The following IAPP variants were observed in gnomAD, a reference collection of about 807,000 sequenced individuals.
IAPP encodes islet amyloid polypeptide.
IAPP carries 4 observed loss-of-function variants against 2.9 expected under a neutral mutation model. That is an observed-to-expected ratio of 1.39 (90% CI 0.69 to 3.19). IAPP has a LOEUF of 3.19. IAPP is among the 30% of genes most tolerant of loss of function. The pLI, the probability that IAPP is intolerant of heterozygous loss-of-function variation, is 0.01. For missense variants in IAPP, 114 were observed against 105.3 expected, an observed-to-expected ratio of 1.08 and a Z score of -0.36; for synonymous variants, 40 against 42.1, an observed-to-expected ratio of 0.95 and a Z score of 0.19.
At chr12:21,370,256 G>A (rs905265116), upstream of IAPP, among the ~76,000 whole-genome samples, 3 of 151,976 alleles carry the variant, frequency 2.0e-5, no homozygotes, top group African/African-American at 7.2e-5. Context: ...CAAAGATGAA[G>A]TGGGATATCG....
chr12:21,368,582 A>G (rs567113549), upstream of IAPP, among the ~76,000 whole-genome samples: 267 of 152,262 alleles, frequency 1.8e-3, 1 homozygote, highest in Admixed American at 5.5e-3. Flanking sequence ...GCTATGTTCT[A>G]TAAAATGTCC....
At chr12:21,377,321 A>C (rs1238750560) in intron 2 of IAPP, among the ~76,000 whole-genome samples, 1 of 152,198 alleles carries the variant, frequency 6.6e-6, no homozygotes, top group Non-Finnish European at 1.5e-5. Context: ...GATAGATTTG[A>C]TTCTTTTGGA....
intron 1 of IAPP, among the ~76,000 whole-genome samples, chr12:21,364,762 C>T (rs1032839476): frequency 6.6e-6 from 1 of 152,066 alleles, no homozygotes; most frequent in Admixed American, 6.6e-5. Flanking sequence ...AACAGACAAA[C>T]GGAGAGACAA....
chr12:21,369,710 T>C (rs111387822), upstream of IAPP, among the ~76,000 whole-genome samples: 158 of 152,276 alleles, frequency 1.0e-3, 1 homozygote, highest in African/African-American at 3.6e-3. Flanking sequence ...GGATCCAAGG[T>C]GGGGCCTGAG....
At chr12:21,372,799 C>T (rs1429515824), upstream of IAPP, 1 of 159,066 alleles carries the variant, frequency 6.3e-6, no homozygotes, top group Non-Finnish European at 1.4e-5. Flanking sequence ...TACTTTCTAT[C>T]TATAGGGATG....
chr12:21,360,390 A>G (rs1230596114), intron 1 of IAPP, among the ~76,000 whole-genome samples: 1 of 152,250 alleles, frequency 6.6e-6, no homozygotes, highest in African/African-American at 2.4e-5. Context: ...ATCATCAGAT[A>G]TTTAAAGAAA....
At chr12:21,368,634 T>A (rs1052078681), upstream of IAPP, among the ~76,000 whole-genome samples, 3 of 152,124 alleles carry the variant, frequency 2.0e-5, no homozygotes, top group African/African-American at 7.2e-5. Context: ...TAAAATTATG[T>A]GATCTCTAGG....
At chr12:21,373,557 A>G in intron 2 of IAPP, 126 bp downstream of exon 2, 1 of 731,134 alleles carries the variant, frequency 1.4e-6, no homozygotes, top group Non-Finnish European at 2.5e-6. Context: ...CAGTACCTTC[A>G]GCTATTCCAT....
intron 1 of IAPP, chr12:21,355,053 C>G (rs1591874056): frequency 6.6e-6 from 1 of 152,126 alleles, no homozygotes; most frequent in Non-Finnish European, 1.5e-5. Context: ...CAAAAATACA[C>G]TAAATCACTA....
chr12:21,378,777 T>A lies in IAPP; in HGVS notation c.*351T>A. 5.0e-6 allele frequency: 1 copy of A among 200,488 alleles called. No individual in the cohort carries two copies. Among genetic ancestry groups the A allele is most frequent in the South Asian group, 8.9e-5 (1 of 11,242 alleles). 12.4% of individuals were successfully genotyped at this position (200,488 alleles called of 1,614,324 possible). On this transcript the variant is annotated 3_prime_UTR_variant, in exon 3 of 3. Transcript: ENST00000240652. ...GCTAATAATGAAGTTATTCTTGACA[T>A]GAGAAAATCAGTAATTGGACCAGGC...
intron 1 of IAPP, among the ~76,000 whole-genome samples, chr12:21,356,329 A>G (rs1207379704): frequency 6.6e-6 from 1 of 152,044 alleles, no homozygotes. Flanking sequence ...TGATATTAAG[A>G]AATATGCAGG....
intron 2 of IAPP, chr12:21,376,347 T>C: frequency 2.8e-6 from 1 of 362,690 alleles, no homozygotes; most frequent in Admixed American, 3.2e-5. Flanking sequence ...TTCCAATTTT[T>C]ACTGTTTTTC....
At position 21,379,183 on chromosome 12, in the gene IAPP, G is replaced by C. The variant is rs1478662198; in HGVS notation, c.*757G>C. 1 of 152,204 alleles carries C rather than the reference G, an allele frequency of 6.6e-6. No individual in the cohort carries two copies. The highest frequency in any genetic ancestry group is 1.5e-5 in the Non-Finnish European group (1 of 68,028). 9.4% of individuals were successfully genotyped at this position (152,204 alleles called of 1,614,324 possible). A position where few individuals can be genotyped will look rare whatever the true frequency, so the allele number is the denominator to read the frequency against. ...TTTGCAGTATATTTCTGAAATGACA[G>C]AATGCTGTTTTAAAAACAAAGAAAT... On this transcript the variant is annotated 3_prime_UTR_variant, in exon 3 of 3. Coordinates refer to ENST00000240652, the MANE Select transcript of IAPP (RefSeq NM_000415.3).
chr12:21,356,551 T>G (rs942379909), intron 1 of IAPP, among the ~76,000 whole-genome samples: 2 of 151,364 alleles, frequency 1.3e-5, no homozygotes, highest in African/African-American at 4.9e-5. Flanking sequence ...TCATAATATT[T>G]GAAAAGGTAA....
chr12:21,373,676 A>G (rs1477143533), intron 2 of IAPP: 7 of 701,464 alleles, frequency 1.0e-5, no homozygotes, highest in Non-Finnish European at 1.8e-5. Context: ...GTCAAGAAAT[A>G]TACTCTTGGA....
intron 1 of IAPP, among the ~76,000 whole-genome samples, chr12:21,360,737 A>G (rs1356897766): frequency 1.3e-5 from 2 of 152,246 alleles, no homozygotes; most frequent in African/African-American, 4.8e-5. Flanking sequence ...CCAGGAGATT[A>G]TATCCCGCGG....
In IAPP at chr12:21,361,743, C is replaced by T. The variant is rs182686536; in HGVS notation, c.-16+6730C>T. Among the ~76,000 whole-genome samples, 1,051 of 152,054 alleles carry T rather than the reference C, an allele frequency of 6.9e-3. 13 individuals carry two copies. The highest frequency in any genetic ancestry group is 0.023 in the African/African-American group (973 of 41,470). ...AAATCATGGCACAAGGACTACGTGA[C>T]GCATGTACAAGCTTCAGTAGCCGAT... is the stretch of plus-strand genomic sequence containing the variant. On this transcript the variant is annotated intron_variant, in intron 1 of 2. Transcript: ENST00000539393.
Position 21,379,874 on chromosome 12 carries a change from G to GT in IAPP, c.*1449dup, listed in dbSNP as rs1396093090. ...ATTGTAGAGGCTTTCGTTGGTGGTG[G>GT]TAAGTGGTAGCGGTAGTGAGTGTAT... On this transcript the variant is annotated 3_prime_UTR_variant, in exon 3 of 3. Transcript: ENST00000240652. 3.3e-5 allele frequency: 5 copies of GT among 152,144 alleles called. No homozygotes were observed. The highest frequency in any genetic ancestry group is 3.3e-4 in the Admixed American group (5 of 15,276). 9.4% of individuals were successfully genotyped at this position (152,144 alleles called of 1,614,324 possible).
At chr12:21,375,624 T>TAGATGCCA in intron 2 of IAPP, among the ~76,000 whole-genome samples, 1 of 152,310 alleles carries the variant, frequency 6.6e-6, no homozygotes. Flanking sequence ...TATAATTACA[T>TAGATGCCA]AGATGCCAAG....
Sources: allele counts gnomAD v4.1 joint callset (sites outside exome capture counted in the v4.1 genomes callset), GRCh38; gene constraint gnomAD v4.1.1; transcripts MANE v1.5; gene names NCBI Gene and HGNC (gene_info 2026-07-23, HGNC 2026-07-21).